Variants in GAS7 observed in about 807,000 individuals in gnomAD.
GAS7 encodes growth arrest specific 7.
Under a neutral mutation model 71.1 loss-of-function variants are expected in GAS7, and 28 were observed. The observed-to-expected ratio is 0.39, with a 90% CI of 0.29 to 0.54. GAS7 has a LOEUF of 0.54. Among genes scored for constraint, GAS7 ranks in the 20% least tolerant of loss-of-function variants. The pLI is 0.62. For missense variants in GAS7, 436 were observed against 627.8 expected, an observed-to-expected ratio of 0.69 and a Z score of 3.27; for synonymous variants, 258 against 245.8, an observed-to-expected ratio of 1.05 and a Z score of -0.46.
intron 1 of GAS7, among the ~76,000 whole-genome samples, chr17:10,048,246 G>T (rs182110076): frequency 1.3e-5 from 2 of 152,262 alleles, no homozygotes; most frequent in African/African-American, 4.8e-5. Flanking sequence ...AGGTTGCAGA[G>T]AGCGGTGATC....
chr17:9,920,417 A>G (rs2067763587), intron 11 of GAS7, among the ~76,000 whole-genome samples: 1 of 152,224 alleles, frequency 6.6e-6, no homozygotes, highest in Non-Finnish European at 1.5e-5. Flanking sequence ...AATCTTTAGG[A>G]CTACTCTATT....
intron 5 of GAS7, 121 bp from the exon 6 acceptor site, chr17:9,947,104 T>A (rs2068816746): frequency 1.6e-6 from 1 of 618,202 alleles, no homozygotes; most frequent in Non-Finnish European, 2.9e-6. Context: ...CGCACAGGGA[T>A]CTTCCCGTGC....
At chr17:10,167,070 T>TTTTTTTTTTTTTTTTTTA (rs2074300388) in intron 1 of GAS7, among the ~76,000 whole-genome samples, 1 of 123,724 alleles carries the variant, frequency 8.1e-6, no homozygotes, top group Non-Finnish European at 1.7e-5. Flanking sequence ...TTTTTTTTTT[T>TTTTTTTTTTTTTTTTTTA]TTTTGAGACA....
At chr17:10,061,037 T>C (rs1289346981) in intron 1 of GAS7, among the ~76,000 whole-genome samples, 1 of 152,200 alleles carries the variant, frequency 6.6e-6, no homozygotes. Flanking sequence ...AGAGTGGCCT[T>C]GGCTGTGCAA....
chr17:9,984,822 C>G (rs1001311388), intron 2 of GAS7, among the ~76,000 whole-genome samples: 1 of 152,196 alleles, frequency 6.6e-6, no homozygotes, highest in Non-Finnish European at 1.5e-5. Context: ...GACAGACAAG[C>G]CCGGTGGAGC....
chr17:10,076,271 A>G (rs1250219671), intron 1 of GAS7, among the ~76,000 whole-genome samples: 1 of 50,110 alleles, frequency 2.0e-5, no homozygotes, highest in African/African-American at 8.7e-5. Context: ...AGGGGAGGGG[A>G]GACGGGGAGA....
intron 2 of GAS7, among the ~76,000 whole-genome samples, chr17:10,018,797 A>G (rs574092556): frequency 6.6e-6 from 1 of 152,190 alleles, no homozygotes; most frequent in Non-Finnish European, 1.5e-5. Flanking sequence ...AGGGGTGGTC[A>G]TGTAGTCAGG....
intron 1 of GAS7, among the ~76,000 whole-genome samples, chr17:10,164,005 G>GC (rs2074274684): frequency 6.6e-6 from 1 of 152,106 alleles, no homozygotes; most frequent in African/African-American, 2.4e-5. Context: ...CTCCCATGAG[G>GC]CCCCAGCTCA....
intron 6 of GAS7, among the ~76,000 whole-genome samples, chr17:9,943,500 G>T (rs1476185923): frequency 6.6e-6 from 1 of 152,182 alleles, no homozygotes; most frequent in Non-Finnish European, 1.5e-5. Context: ...GAACTGAGAG[G>T]AAGAAGGGCA....
In GAS7 at chr17:9,932,586, T is replaced by C. The variant is rs183203130; in HGVS notation, c.885+1580A>G. On this transcript the variant is annotated intron_variant, in intron 9 of 13. Transcript: ENST00000432992. ...TTCACTGAGAGATTTAGTTTATTTT[T>C]CATCTAAAAATTAGCTGAGAGTCGG... 1.4e-3 allele frequency among the ~76,000 whole-genome samples: 206 copies of C among 152,316 alleles called. 1 individual carries two copies. The highest frequency in any genetic ancestry group is 4.7e-3 in the African/African-American group (195 of 41,558).
chr17:9,961,997 T>C (rs2069514525), intron 4 of GAS7, among the ~76,000 whole-genome samples: 1 of 152,228 alleles, frequency 6.6e-6, no homozygotes, highest in African/African-American at 2.4e-5. Context: ...AGAATAAGGC[T>C]TGACGCAGAG....
chr17:10,025,466 G>A (rs1003810619), intron 1 of GAS7, among the ~76,000 whole-genome samples: 5 of 151,352 alleles, frequency 3.3e-5, no homozygotes, highest in African/African-American at 9.7e-5. Context: ...AAATATCACC[G>A]CCCGCGTCCA....
intron 4 of GAS7, among the ~76,000 whole-genome samples, chr17:9,966,376 A>G (rs7212969): frequency 0.054 from 8,195 of 152,020 alleles, 707 homozygotes; most frequent in African/African-American, 0.18. Context: ...AGAGATCACA[A>G]CCGGGTTTTG....
At chr17:10,115,223 T>C (rs2073849661) in intron 1 of GAS7, among the ~76,000 whole-genome samples, 2 of 152,206 alleles carry the variant, frequency 1.3e-5, no homozygotes, top group African/African-American at 4.8e-5. Flanking sequence ...AGCGAGAGCC[T>C]GGGCTGTTGC....
At position 9,917,029 on chromosome 17, in the gene GAS7, G is replaced by A; in HGVS notation, c.*199C>T. 1 of 596,636 alleles carries A rather than the reference G, an allele frequency of 1.7e-6. No individual in the cohort carries two copies. The highest frequency in any genetic ancestry group is 3.0e-6 in the Non-Finnish European group (1 of 333,758). 37.0% of individuals were successfully genotyped at this position (596,636 alleles called of 1,614,324 possible). A position where few individuals can be genotyped will look rare whatever the true frequency, so the allele number is the denominator to read the frequency against. On this transcript the variant is annotated 3_prime_UTR_variant, in exon 14 of 14. Coordinates refer to ENST00000432992, the MANE Select transcript of GAS7 (RefSeq NM_201433.2). ...CAGCCTCAGAGACAAGGGCAGGGCTGTGGGTCTGTCTTCTGGGCCTGGGAA... is the reference window on the plus strand; with the variant it reads ...CAGCCTCAGAGACAAGGGCAGGGCTATGGGTCTGTCTTCTGGGCCTGGGAA...
chr17:10,011,431 C>T (rs926334879), intron 2 of GAS7, among the ~76,000 whole-genome samples: 14 of 152,148 alleles, frequency 9.2e-5, no homozygotes, highest in African/African-American at 3.4e-4. Flanking sequence ...AACATCTCTG[C>T]TTTCCTGCAG....
At chr17:9,930,872 A>G (rs1175212209) in intron 9 of GAS7, among the ~76,000 whole-genome samples, 1 of 152,236 alleles carries the variant, frequency 6.6e-6, no homozygotes, top group Non-Finnish European at 1.5e-5. Context: ...ACTGACCGAC[A>G]GGCTGGAAGC....
At chr17:10,090,144 C>T (rs926170917) in intron 1 of GAS7, among the ~76,000 whole-genome samples, 6 of 150,348 alleles carry the variant, frequency 4.0e-5, no homozygotes, top group South Asian at 4.2e-4. Flanking sequence ...ACTACAGCCT[C>T]GGCAATAGAG....
intron 1 of GAS7, among the ~76,000 whole-genome samples, chr17:10,180,979 G>C (rs914794960): frequency 6.6e-6 from 1 of 151,014 alleles, no homozygotes; most frequent in Non-Finnish European, 1.5e-5. Flanking sequence ...CCACAATGTA[G>C]TGGGTGGCAA....
Sources: gnomAD v4.1 joint callset for allele counts (sites outside exome capture counted in the v4.1 genomes callset) on GRCh38, gnomAD v4.1.1 for gene constraint, MANE v1.5 for transcripts, NCBI Gene and HGNC (gene_info 2026-07-23, HGNC 2026-07-21) for gene names.